Variants in STAB2 observed in about 807,000 individuals in gnomAD.
The protein encoded by STAB2 is stabilin-2.
In STAB2, 288 loss-of-function variants were observed where a neutral mutation model predicts 338.1. That is an observed-to-expected ratio of 0.85 (90% CI 0.77 to 0.94). STAB2 has a LOEUF of 0.94. Ranked by LOEUF, STAB2 falls within the 40% of genes least tolerant of loss-of-function variation. The pLI, the probability that STAB2 is intolerant of heterozygous loss-of-function variation, is 0.00. For synonymous variants in STAB2, 1,202 were observed against 1,193.3 expected, an observed-to-expected ratio of 1.01 and a Z score of -0.15; for missense variants, 3,141 against 3,210.1, an observed-to-expected ratio of 0.98 and a Z score of 0.52.
At chr12:103,631,734 C>A in intron 6 of STAB2, 41 bp downstream of exon 6, 1 of 1,587,318 alleles carries the variant, frequency 6.3e-7, no homozygotes, top group South Asian at 1.1e-5. Context: ...CCAGATCAAA[C>A]AGGCACAAAT....
chr12:103,602,342 A>G (rs1331354786), intron 3 of STAB2, among the ~76,000 whole-genome samples: 1 of 152,186 alleles, frequency 6.6e-6, no homozygotes, highest in Non-Finnish European at 1.5e-5. Flanking sequence ...TTCTGTGGCT[A>G]GACACAGTTT....
intron 25 of STAB2, among the ~76,000 whole-genome samples, chr12:103,678,971 C>T (rs1389893176): frequency 6.6e-6 from 1 of 152,212 alleles, no homozygotes; most frequent in Non-Finnish European, 1.5e-5. Flanking sequence ...GGGCTGGACA[C>T]TTGTGCAGAG....
chr12:103,647,531 T>G (rs1309808852), intron 9 of STAB2, among the ~76,000 whole-genome samples: 2 of 152,232 alleles, frequency 1.3e-5, no homozygotes, highest in Non-Finnish European at 2.9e-5. Flanking sequence ...GTCATCTTCC[T>G]CATCACCTTG....
chr12:103,750,281 C>T (rs2139177305), intron 59 of STAB2, among the ~76,000 whole-genome samples: 1 of 152,248 alleles, frequency 6.6e-6, no homozygotes, highest in South Asian at 2.1e-4. Context: ...ACAAGGAGCC[C>T]TGTGAAGAAC....
chr12:103,763,369 A>AAAGT, intron 67 of STAB2, 123 bp from the exon 68 acceptor site: 1 of 724,494 alleles, frequency 1.4e-6, no homozygotes. Context: ...ATCTCTCAAC[A>AAAGT]AAGTACTGTT....
intron 41 of STAB2, 119 bp from the exon 42 acceptor site, chr12:103,713,524 A>C: frequency 6.9e-7 from 1 of 1,455,110 alleles, no homozygotes; most frequent in Non-Finnish European, 9.4e-7. Context: ...GGCCATATTT[A>C]ATCCAGTGCC....
chr12:103,704,017 C>A (rs1028182150), intron 35 of STAB2, among the ~76,000 whole-genome samples: 5 of 152,320 alleles, frequency 3.3e-5, no homozygotes, highest in Non-Finnish European at 5.9e-5. Flanking sequence ...TGGCCCAGAA[C>A]TGGAACCCTG....
chr12:103,601,540 C>A (rs1200292086), intron 3 of STAB2, among the ~76,000 whole-genome samples: 1 of 152,150 alleles, frequency 6.6e-6, no homozygotes. Flanking sequence ...TGCAGTGACC[C>A]AAGATCGCGT....
chr12:103,641,440 A>G (rs934864138), intron 9 of STAB2, among the ~76,000 whole-genome samples: 2 of 152,192 alleles, frequency 1.3e-5, no homozygotes, highest in African/African-American at 4.8e-5. Context: ...ACAGGATTAC[A>G]TTCGTCAATC....
At chr12:103,744,136 A>C (rs1882806840) in intron 56 of STAB2, among the ~76,000 whole-genome samples, 1 of 124,792 alleles carries the variant, frequency 8.0e-6, no homozygotes, top group Admixed American at 7.7e-5. Context: ...ATTGGTACAT[A>C]TTTTTTAATG....
intron 6 of STAB2, among the ~76,000 whole-genome samples, chr12:103,636,522 C>T (rs890206701): frequency 6.6e-5 from 10 of 151,970 alleles, no homozygotes; most frequent in African/African-American, 2.4e-4. Context: ...ACTGCATGTA[C>T]ATGTCTCAGT....
intron 5 of STAB2, among the ~76,000 whole-genome samples, chr12:103,624,126 C>A (rs529966676): frequency 6.6e-6 from 1 of 152,188 alleles, no homozygotes; most frequent in Non-Finnish European, 1.5e-5. Context: ...CATCCCACCC[C>A]CATAAGTTTG....
At chr12:103,633,891 G>A (rs1045056586) in intron 6 of STAB2, among the ~76,000 whole-genome samples, 4 of 152,052 alleles carry the variant, frequency 2.6e-5, no homozygotes, top group Non-Finnish European at 5.9e-5. Flanking sequence ...TACAACCTAC[G>A]GGAGAAATTT....
At chr12:103,746,791 C>T (rs189496662) in intron 58 of STAB2, 87 bp downstream of exon 58, 29 of 1,354,588 alleles carry the variant, frequency 2.1e-5, no homozygotes, top group Non-Finnish European at 3.0e-5. Flanking sequence ...TTCATCCTAG[C>T]CCTCCTTCCT....
intron 1 of STAB2, among the ~76,000 whole-genome samples, chr12:103,589,975 T>C (rs886408730): frequency 1.3e-5 from 2 of 152,214 alleles, no homozygotes; most frequent in Non-Finnish European, 2.9e-5. Flanking sequence ...TAGCAAGATA[T>C]AGAGTTTGAC....
At chr12:103,694,197 T>C (rs1187789385) in intron 31 of STAB2, among the ~76,000 whole-genome samples, 1 of 152,176 alleles carries the variant, frequency 6.6e-6, no homozygotes, top group Non-Finnish European at 1.5e-5. Context: ...CCCCATGCTG[T>C]GCACCCCTGT....
intron 43 of STAB2, 112 bp from the exon 44 acceptor site, chr12:103,717,658 A>T: frequency 1.3e-6 from 1 of 796,778 alleles, no homozygotes; most frequent in Non-Finnish European, 2.1e-6. Flanking sequence ...TCAAATAGAG[A>T]CTCTCCTAAC....
chr12:103,648,691 T>C lies in STAB2; in HGVS notation c.1042T>C (p.Cys348Arg), dbSNP rs768410220. 3.7e-6 allele frequency: 6 copies of C among 1,613,724 alleles called. No homozygotes were observed. The East Asian group carries it at 6.7e-5, about 18-fold the overall frequency. ...GATGTCTTTTCCCCCTCTCTGTAGA[T>C]GCATTTGCCAGAAAGGTTACGTGGG... ...CTTVAPGRTE[C>R]ICQKGYVGDG... Residue 348 changes from cysteine (C) to arginine (R), a missense_variant and splice_region_variant, in exon 10 of 69, where the codon TGC becomes CGC. By Grantham distance (180) the Cys-to-Arg change is radical. Coordinates refer to ENST00000388887, the MANE Select transcript of STAB2 (RefSeq NM_017564.10).
intron 44 of STAB2, among the ~76,000 whole-genome samples, chr12:103,720,238 C>G (rs1880656078): frequency 6.6e-6 from 1 of 152,186 alleles, no homozygotes; most frequent in Non-Finnish European, 1.5e-5. Context: ...AAATGGCCAC[C>G]TTGTCTTGGA....
Sources: allele counts gnomAD v4.1 joint callset (sites outside exome capture counted in the v4.1 genomes callset), GRCh38; gene constraint gnomAD v4.1.1; transcripts MANE v1.5; gene names NCBI Gene and HGNC (gene_info 2026-07-23, HGNC 2026-07-21).